Variants in RBFOX3 observed in about 807,000 individuals in gnomAD.
The protein encoded by RBFOX3 is RNA binding protein fox-1 homolog 3.
In RBFOX3, 17 loss-of-function variants were observed where a neutral mutation model predicts 48.7. The observed-to-expected ratio is 0.35, with a 90% CI of 0.24 to 0.52. The LOEUF is 0.52. Among genes scored for constraint, RBFOX3 ranks in the 20% least tolerant of loss-of-function variants. RBFOX3 has a pLI of 0.94. For missense variants in RBFOX3, 382 were observed against 497.5 expected (o/e 0.77, Z 2.21); for synonymous variants, 212 against 209.5 (o/e 1.01, Z -0.10).
rs2146994363 is a variant in RBFOX3, at chr17:79,115,447, C to G, written c.222+47G>C. On this transcript the variant is annotated intron_variant, in intron 5 of 14. Transcript: ENST00000693108. Reference sequence around the variant, plus strand: ...GCCACCCTTCTTCTGGGTGGGTGCTCCTCCCTGAAGCTCCAGGGCTGGGCC... The same window carrying G: ...GCCACCCTTCTTCTGGGTGGGTGCTGCTCCCTGAAGCTCCAGGGCTGGGCC... The G allele has an allele frequency of 3.3e-6, 4 of 1,217,228 alleles. No homozygotes were observed. In the African/African-American group the frequency reaches 6.3e-5, roughly 19 times the overall value. The allele number at this position is 1,217,228 out of a possible 1,614,324, so 75.4% of individuals were successfully genotyped here.
At chr17:79,567,590 T>C (rs2144430232) in intron 1 of RBFOX3, among the ~76,000 whole-genome samples, 1 of 152,348 alleles carries the variant, frequency 6.6e-6, no homozygotes, top group South Asian at 2.1e-4. Flanking sequence ...CATTACACAC[T>C]GTATATATGC....
chr17:79,393,893 C>T (rs1448260161), intron 2 of RBFOX3, among the ~76,000 whole-genome samples: 2 of 151,594 alleles, frequency 1.3e-5, no homozygotes, highest in South Asian at 2.1e-4. Context: ...CCATTCATCG[C>T]ACACATCAGA....
intron 2 of RBFOX3, among the ~76,000 whole-genome samples, chr17:79,389,996 TCTCCGCAGCCTCCAG>T (rs2061144982): frequency 8.9e-6 from 1 of 112,850 alleles, no homozygotes; most frequent in African/African-American, 3.2e-5. Context: ...AGCCTCCAGG[TCTCCGCAGCCTCCAG>T]GTCTCCGCAG....
intron 4 of RBFOX3, among the ~76,000 whole-genome samples, chr17:79,134,207 G>A (rs556886961): frequency 3.3e-5 from 5 of 152,318 alleles, no homozygotes; most frequent in East Asian, 1.9e-4. Context: ...CCAAGAAGGC[G>A]GCTTCAAATG....
intron 1 of RBFOX3, among the ~76,000 whole-genome samples, chr17:79,537,071 G>C (rs1377627555): frequency 6.6e-6 from 1 of 150,764 alleles, no homozygotes; most frequent in Non-Finnish European, 1.5e-5. Context: ...GTGACAGAAT[G>C]AGACTCCGTC....
chr17:79,514,859 C>A (rs1266104820), intron 1 of RBFOX3, among the ~76,000 whole-genome samples: 1 of 152,200 alleles, frequency 6.6e-6, no homozygotes, highest in Non-Finnish European at 1.5e-5. Context: ...CGTGCAGAAG[C>A]TGTGGTTGAT....
intron 2 of RBFOX3, among the ~76,000 whole-genome samples, chr17:79,397,443 A>G (rs900669859): frequency 6.6e-6 from 1 of 151,216 alleles, no homozygotes; most frequent in African/African-American, 2.4e-5. Context: ...CAGTGAGCCA[A>G]GATAATGCCA....
chr17:79,218,359 C>G (rs1159782628), intron 4 of RBFOX3, among the ~76,000 whole-genome samples: 2 of 152,054 alleles, frequency 1.3e-5, no homozygotes, highest in African/African-American at 4.8e-5. Context: ...AGCTGCAAAT[C>G]CCAGCTTGGA....
intron 4 of RBFOX3, among the ~76,000 whole-genome samples, chr17:79,118,985 AAAAAAAAAT>A (rs2034931031): frequency 6.8e-6 from 1 of 147,914 alleles, no homozygotes; most frequent in Non-Finnish European, 1.5e-5. Flanking sequence ...CAAAAAAAAA[AAAAAAAAAT>A]AAAGAAAATA....
At chr17:79,620,587 A>G in the RBFOX3 span, among the ~76,000 whole-genome samples, 27 of 36,622 alleles carry the variant, frequency 7.4e-4, no homozygotes, top group East Asian at 1.2e-3. Context: ...ACACGCACGC[A>G]CACACACGCA....
At chr17:79,158,135 C>T (rs1021886529) in intron 4 of RBFOX3, among the ~76,000 whole-genome samples, 2 of 152,190 alleles carry the variant, frequency 1.3e-5, no homozygotes, top group East Asian at 1.9e-4. Flanking sequence ...CACAGACAGA[C>T]GACCATGTGA....
intron 6 of RBFOX3, 111 bp downstream of exon 6, chr17:79,106,529 TGCGCAGTGGGA>T: frequency 7.9e-7 from 1 of 1,269,518 alleles, no homozygotes; most frequent in Non-Finnish European, 1.0e-6. Context: ...GGAGGCTCCC[TGCGCAGTGGGA>T]GGCAGGAAAC....
chr17:79,292,842 T>C (rs372904064), intron 3 of RBFOX3, among the ~76,000 whole-genome samples: 5 of 152,188 alleles, frequency 3.3e-5, no homozygotes, highest in Non-Finnish European at 7.3e-5. Context: ...ATTCCCTTTA[T>C]ATTAGGAAAG....
intron 1 of RBFOX3, among the ~76,000 whole-genome samples, chr17:79,503,647 G>A (rs908313202): frequency 4.8e-4 from 73 of 152,246 alleles, no homozygotes; most frequent in African/African-American, 1.5e-3. Flanking sequence ...CACACTGCAC[G>A]GTGCAGGTGA....
At chr17:79,510,741 T>C (rs1425018362) in intron 1 of RBFOX3, among the ~76,000 whole-genome samples, 1 of 152,002 alleles carries the variant, frequency 6.6e-6, no homozygotes, top group Non-Finnish European at 1.5e-5. Context: ...ACGGAGGACG[T>C]TTCCCTGGCA....
At position 79,479,298 on chromosome 17, in the gene RBFOX3, GAGGGTGTCTAC is replaced by G. The variant is rs2078431851; in HGVS notation, c.-175+3145_-175+3155del. The stretch of plus-strand genomic sequence containing the variant: ...GAGAACCCAGGAGCTCGCGGGGCAG[GAGGGTGTCTAC>G]AGGCACACCTGACCTCAGATGTGTG... On this transcript the variant is annotated intron_variant, in intron 2 of 14. Coordinates refer to ENST00000693108, the MANE Select transcript of RBFOX3 (RefSeq NM_001350451.2). The surrounding 1 kb of genome is among the most constrained non-coding windows in gnomAD (Gnocchi z 5.1). 6.6e-6 allele frequency among the ~76,000 whole-genome samples: 1 copy of G among 152,188 alleles called. No homozygotes were observed. The highest frequency in any genetic ancestry group is 1.9e-4 in the East Asian group (1 of 5,190).
Position 79,453,851 on chromosome 17 carries a change from G to A in RBFOX3, c.-175+28603C>T, listed in dbSNP as rs1450503757. On this transcript the variant is annotated intron_variant, in intron 2 of 14. Transcript: ENST00000693108. ...ACACGCAGGCATGAGGGAGGCTCTC[G>A]AAACAGCTTGGCTGGCAGAGGAGAG... is the stretch of plus-strand genomic sequence containing the variant. 2.0e-5 allele frequency among the ~76,000 whole-genome samples: 3 copies of A among 152,198 alleles called. No homozygotes were observed. In the South Asian group the frequency reaches 6.2e-4, roughly 32 times the overall value.
chr17:79,605,298 C>T (rs4077761), intron 1 of RBFOX3, among the ~76,000 whole-genome samples: 6,373 of 152,244 alleles, frequency 0.042, 431 homozygotes, highest in African/African-American at 0.15. Context: ...ACTGGGCCCC[C>T]AAACAAGGAC....
At chr17:79,100,770 C>T (rs965293692) in intron 9 of RBFOX3, among the ~76,000 whole-genome samples, 3 of 152,360 alleles carry the variant, frequency 2.0e-5, no homozygotes, top group South Asian at 2.1e-4. Context: ...GGCCCCTTGC[C>T]GGATGGAGTT....
Sources: allele counts gnomAD v4.1 joint callset (sites outside exome capture counted in the v4.1 genomes callset), GRCh38; gene constraint gnomAD v4.1.1; non-coding constraint Gnocchi (gnomAD v3.1); transcripts MANE v1.5; gene names NCBI Gene and HGNC (gene_info 2026-07-23, HGNC 2026-07-21).